ALG12: variants seen among roughly 807,000 people sequenced by gnomAD.
ALG12 encodes the protein ALG12 alpha-1,6-mannosyltransferase, also known as dol-P-Man:Man(7)GlcNAc(2)-PP-Dol alpha-1,6-mannosyltransferase.
Under a neutral mutation model 46.0 loss-of-function variants are expected in ALG12, and 36 were observed. The observed-to-expected ratio is 0.78, with a 90% confidence interval of 0.60 to 1.03. ALG12 has a LOEUF of 1.03. ALG12 is among the 50% of genes least tolerant of loss of function. The probability of loss-of-function intolerance (pLI) is 0.00; values close to 1 mark genes in which losing one functional copy is unlikely to be tolerated. For synonymous variants in ALG12, 326 were observed against 291.6 expected, an observed-to-expected ratio of 1.12 and a Z score of -1.20; for missense variants, 599 against 633.5, an observed-to-expected ratio of 0.95 and a Z score of 0.58.
chr22:49,910,152 G>C, intron 4 of ALG12, 64 bp from the exon 5 acceptor site: 1 of 1,505,926 alleles, frequency 6.6e-7, no homozygotes, highest in Non-Finnish European at 9.0e-7. Context: ...GAAAACACCC[G>C]GGGAAGTGAA....
chr22:49,917,174 C>T (rs12162681), intron 1 of ALG12, among the ~76,000 whole-genome samples: 1 of 152,248 alleles, frequency 6.6e-6, no homozygotes, highest in Non-Finnish European at 1.5e-5. Flanking sequence ...CTGTCCTGCA[C>T]TAGCCCACTC....
At chr22:49,873,643 G>T in the ALG12 span, among the ~76,000 whole-genome samples, 7 of 151,884 alleles carry the variant, frequency 4.6e-5, no homozygotes, top group Admixed American at 3.9e-4. Context: ...CAATTTGGGG[G>T]AAAAAAAAGT....
chr22:49,885,223 G>A, the ALG12 span: 3 of 1,613,056 alleles, frequency 1.9e-6, no homozygotes, highest in East Asian at 6.7e-5. Flanking sequence ...TGCAAGTCTG[G>A]CAAACTCTCC....
the ALG12 span, chr22:49,884,884 A>C: frequency 1.9e-6 from 3 of 1,605,170 alleles, no homozygotes; most frequent in African/African-American, 4.0e-5. Flanking sequence ...AGATGGGCTG[A>C]TGGAAGACGT....
the ALG12 span, among the ~76,000 whole-genome samples, chr22:49,869,285 C>T: frequency 1.8e-4 from 27 of 152,166 alleles, no homozygotes; most frequent in African/African-American, 6.5e-4. Context: ...AGTGCTTCCG[C>T]TGGAAGGGCC....
At chr22:49,876,287 T>A in the ALG12 span, among the ~76,000 whole-genome samples, 2 of 152,230 alleles carry the variant, frequency 1.3e-5, no homozygotes, top group Non-Finnish European at 2.9e-5. Flanking sequence ...GCCCATTAGG[T>A]CAACTTGGAT....
the ALG12 span, chr22:49,885,116 G>T: frequency 4.3e-6 from 7 of 1,614,206 alleles, no homozygotes; most frequent in Admixed American, 5.0e-5. Flanking sequence ...TGTGCCATCA[G>T]CCGGGGGAAG....
intron 6 of ALG12, among the ~76,000 whole-genome samples, chr22:49,908,528 A>C: frequency 9.0e-6 from 1 of 110,572 alleles, no homozygotes; most frequent in African/African-American, 4.2e-5. Context: ...CTCTGTCTCA[A>C]AAAAAAAAAA....
At chr22:49,887,239 A>T in the ALG12 span, 1 of 1,535,862 alleles carries the variant, frequency 6.5e-7, no homozygotes, top group South Asian at 1.2e-5. Context: ...AGCCTGTACC[A>T]GGTCTATGAC....
chr22:49,909,818 C>G, intron 5 of ALG12, 76 bp downstream of exon 5: 1 of 1,588,492 alleles, frequency 6.3e-7, no homozygotes, highest in Non-Finnish European at 8.6e-7. Context: ...ATGAAAACCT[C>G]CCAAATTTCT....
chr22:49,913,239 T>A (rs2060589749), intron 3 of ALG12, 146 bp downstream of exon 3: 1 of 1,318,564 alleles, frequency 7.6e-7, no homozygotes, highest in Non-Finnish European at 1.1e-6. Context: ...CCTGAGCACC[T>A]GCTCTGAGCC....
At chr22:49,898,830 G>A (rs1380014949), downstream of ALG12, among the ~76,000 whole-genome samples, 2 of 151,990 alleles carry the variant, frequency 1.3e-5, no homozygotes, top group Non-Finnish European at 2.9e-5. Flanking sequence ...ACAGCTCACT[G>A]CAGCCTCAAC....
Position 49,909,936 on chromosome 22 carries a change from T to C in ALG12, c.622A>G (p.Arg208Gly). The C allele has an allele frequency of 6.2e-7, 1 of 1,614,144 alleles. No homozygotes were observed. Among genetic ancestry groups the C allele is most frequent in the Non-Finnish European group, 8.5e-7 (1 of 1,180,014 alleles). The change falls in exon 5 of 10, where the codon AGA becomes GGA. Residue 208 changes from arginine (R) to glycine (G), a missense_variant. Coordinates refer to ENST00000330817, the MANE Select transcript of ALG12 (RefSeq NM_024105.4). ...ALGNRKVSVV[R>G]ALRHAVPAGI... Reference sequence around the variant, plus strand: ...GCCGGGACGGCGTGGCGAAGGGCTCTGACTACAGAAACCTTTCGGTTGCCC... The same window carrying C: ...GCCGGGACGGCGTGGCGAAGGGCTCCGACTACAGAAACCTTTCGGTTGCCC...
Position 49,909,359 on chromosome 22 carries a change from A to C in ALG12, c.665-12T>G. On this transcript the variant is annotated splice_polypyrimidine_tract_variant and intron_variant, in intron 5 of 9. Coordinates refer to ENST00000330817, the MANE Select transcript of ALG12 (RefSeq NM_024105.4). ...AGCAACCGTCAGTCCTGACAAAATAAAATAGAGTTTCTTAGTCGCAAACAC... is the reference window on the plus strand; with the variant it reads ...AGCAACCGTCAGTCCTGACAAAATACAATAGAGTTTCTTAGTCGCAAACAC... 1 of 1,614,004 alleles carries C rather than the reference A, an allele frequency of 6.2e-7. No homozygotes were observed. Among genetic ancestry groups the C allele is most frequent in the Non-Finnish European group, 8.5e-7 (1 of 1,179,888 alleles).
chr22:49,877,376 C>A, the ALG12 span, among the ~76,000 whole-genome samples: 1 of 152,072 alleles, frequency 6.6e-6, no homozygotes, highest in Non-Finnish European at 1.5e-5. Flanking sequence ...ACTGCAACCT[C>A]CGCCTCCCAG....
chr22:49,909,945 A>C lies in ALG12; in HGVS notation c.613T>G (p.Ser205Ala). The change falls in exon 5 of 10, where the codon TCT (serine) becomes GCT (alanine). Residue 205 changes from serine (S) to alanine (A), a missense_variant. Ser to Ala is a moderately conservative substitution (Grantham distance 99, BLOSUM62 1). Transcript: ENST00000330817. The part of the protein sequence containing the change: ...LLLALGNRKV[S>A]VVRALRHAVP... The stretch of plus-strand genomic sequence containing the variant: ...GCGTGGCGAAGGGCTCTGACTACAG[A>C]AACCTTTCGGTTGCCCAAGGCCAGC... 1 of 1,614,130 alleles carries C rather than the reference A, an allele frequency of 6.2e-7. No homozygotes were observed. Among genetic ancestry groups the C allele is most frequent in the Non-Finnish European group, 8.5e-7 (1 of 1,180,006 alleles).
chr22:49,861,057 T>C, the ALG12 span, among the ~76,000 whole-genome samples: 1 of 151,934 alleles, frequency 6.6e-6, no homozygotes, highest in East Asian at 1.9e-4. Flanking sequence ...ATAATGGGCA[T>C]GAGCCACCAT....
intron 7 of ALG12, among the ~76,000 whole-genome samples, chr22:49,904,866 A>G (rs2060534514): frequency 6.6e-6 from 1 of 152,010 alleles, no homozygotes; most frequent in South Asian, 2.1e-4. Context: ...CAGCCTCCCA[A>G]GTAGCTGGGA....
chr22:49,859,576 C>T, the ALG12 span, among the ~76,000 whole-genome samples: 1 of 152,174 alleles, frequency 6.6e-6, no homozygotes, highest in Non-Finnish European at 1.5e-5. Context: ...AGAAAGGCAT[C>T]TGGACACCGA....
Sources: allele counts gnomAD v4.1 joint callset (sites outside exome capture counted in the v4.1 genomes callset), GRCh38; gene constraint gnomAD v4.1.1; transcripts MANE v1.5; gene names NCBI Gene and HGNC (gene_info 2026-07-23, HGNC 2026-07-21).